Variants in NCOA1 observed in about 807,000 individuals in gnomAD.
NCOA1 encodes the protein Hin-2 protein.
In NCOA1, 35 loss-of-function variants were observed where a neutral mutation model predicts 150.9. The ratio of observed to expected loss-of-function variants is 0.23; its 90% CI spans 0.18 to 0.31. NCOA1 has a LOEUF of 0.31. Ranked by LOEUF, NCOA1 falls within the 10% of genes least tolerant of loss-of-function variation. NCOA1 has a pLI of 1.00. For synonymous variants in NCOA1, 590 were observed against 630.0 expected, an observed-to-expected ratio of 0.94 and a Z score of 0.95; for missense variants, 1,491 against 1,749.3, an observed-to-expected ratio of 0.85 and a Z score of 2.63.
At chr2:24,701,372 T>A (rs1226572820) in intron 11 of NCOA1, among the ~76,000 whole-genome samples, 1 of 151,848 alleles carries the variant, frequency 6.6e-6, no homozygotes, top group Non-Finnish European at 1.5e-5. Context: ...TAGCTAGGCG[T>A]GGCACACAGG....
chr2:24,588,144 G>T (rs987802441), intron 3 of NCOA1, among the ~76,000 whole-genome samples: 1 of 152,006 alleles, frequency 6.6e-6, no homozygotes, highest in Non-Finnish European at 1.5e-5. Flanking sequence ...GAGCACAGTA[G>T]TGTGATCATG....
chr2:24,716,639 T>G (rs1281171628), intron 14 of NCOA1, among the ~76,000 whole-genome samples: 2 of 152,236 alleles, frequency 1.3e-5, no homozygotes, highest in African/African-American at 4.8e-5. Context: ...AGACACATTT[T>G]TGATAGGACA....
At chr2:24,514,293 AAAAAAAAAAAAAAGGAAAAAAAC>A (rs1664063905) in intron 1 of NCOA1, among the ~76,000 whole-genome samples, 1 of 150,420 alleles carries the variant, frequency 6.6e-6, no homozygotes, top group East Asian at 1.9e-4. Context: ...CTCAAAAAAA[AAAAAAAAAAAAAAGGAAAAAAAC>A]AAAAAGAAAA....
chr2:24,697,917 C>A, intron 11 of NCOA1, 119 bp downstream of exon 11: 3 of 1,145,836 alleles, frequency 2.6e-6, no homozygotes, highest in Non-Finnish European at 3.6e-6. Context: ...TTGCAATAAT[C>A]AGTTTTAGGA....
At chr2:24,558,457 A>G (rs1302350968) in intron 1 of NCOA1, among the ~76,000 whole-genome samples, 1 of 152,142 alleles carries the variant, frequency 6.6e-6, no homozygotes. Context: ...TGGCAAGAGA[A>G]AATAAGGAAG....
chr2:24,680,970 A>G (rs1378074898), intron 7 of NCOA1, among the ~76,000 whole-genome samples: 3 of 152,178 alleles, frequency 2.0e-5, no homozygotes, highest in Admixed American at 6.6e-5. Flanking sequence ...AATCCTACCC[A>G]CAAACTGTGC....
In NCOA1 at chr2:24,706,730, C is replaced by T. The variant is rs1332602679; in HGVS notation, c.1260C>T (p.Arg420=). ...ACATGGTATCCACCAGAATAAACCG[C>T]CAGCAGAGCTCAGACCTTCATAGCA... ...NSNMVSTRIN[R]QQSSDLHSSS... is the part of the protein sequence containing the mutation. The change falls in exon 13 of 23, where the codon CGC becomes CGT. Residue 420 remains arginine (R), a synonymous_variant. Transcript: ENST00000348332. 5 of 1,614,080 alleles carry T rather than the reference C, an allele frequency of 3.1e-6. No homozygotes were observed. The highest frequency in any genetic ancestry group is 2.7e-5 in the African/African-American group (2 of 74,926).
chr2:24,581,432 G>A (rs1667189800), intron 2 of NCOA1, among the ~76,000 whole-genome samples: 1 of 152,226 alleles, frequency 6.6e-6, no homozygotes, highest in Admixed American at 6.5e-5. Context: ...ACCTTTGCTG[G>A]TGGGAGTGGG....
At chr2:24,626,493 G>A (rs1669414832) in intron 3 of NCOA1, among the ~76,000 whole-genome samples, 2 of 152,206 alleles carry the variant, frequency 1.3e-5, no homozygotes, top group South Asian at 4.1e-4. Context: ...TATAGGAAAA[G>A]CAAGGCAAGC....
chr2:24,559,859 C>G (rs1219628713), intron 1 of NCOA1, among the ~76,000 whole-genome samples: 1 of 152,182 alleles, frequency 6.6e-6, no homozygotes, highest in Non-Finnish European at 1.5e-5. Flanking sequence ...GTTTGTCTAT[C>G]TGTTCCCCAG....
rs1553417989 is a variant in NCOA1 at position 24,491,501 on chromosome 2, C to CGGCGGCAGGCGCCTGGGCCCAGGGGGCCG, written c.-493_-492insGCAGGCGCCTGGGCCCAGGGGGCCGGGCG. Among the ~76,000 whole-genome samples, 1 of 139,872 alleles carries CGGCGGCAGGCGCCTGGGCCCAGGGGGCCG rather than the reference C, an allele frequency of 7.1e-6. No homozygotes were observed. Among genetic ancestry groups the CGGCGGCAGGCGCCTGGGCCCAGGGGGCCG allele is most frequent in the Non-Finnish European group, 1.6e-5 (1 of 64,076 alleles). 91.8% of individuals were successfully genotyped at this position (139,872 alleles called of 152,430 possible). A position where few individuals can be genotyped will look rare whatever the true frequency, so the allele number is the denominator to read the frequency against. On this transcript the variant is annotated 5_prime_UTR_variant, in exon 1 of 23. Coordinates refer to ENST00000348332, the MANE Select transcript of NCOA1 (RefSeq NM_003743.5). The stretch of plus-strand genomic sequence containing the variant: ...TCCGGAGGAGGGGGCCGGAGAGCCG[C>CGGCGGCAGGCGCCTGGGCCCAGGGGGCCG]GGCGCCGGGCCCGAGGAGCGGCGGA...
intron 3 of NCOA1, among the ~76,000 whole-genome samples, chr2:24,588,418 G>A (rs1295065584): frequency 3.9e-5 from 6 of 152,128 alleles, no homozygotes; most frequent in East Asian, 1.9e-4. Context: ...GGCTAATAGC[G>A]GGGCCCTGTC....
chr2:24,681,189 C>T (rs1322052246), intron 7 of NCOA1, among the ~76,000 whole-genome samples: 1 of 151,978 alleles, frequency 6.6e-6, no homozygotes, highest in African/African-American at 2.4e-5. Context: ...CATGGTAAAA[C>T]CCCATCTCTA....
chr2:24,733,339 A>G lies in NCOA1; in HGVS notation c.3201+3524A>G, dbSNP rs945108624. Among the ~76,000 whole-genome samples the G allele has an allele frequency of 2.6e-5, 4 of 152,194 alleles. No individual in the cohort carries two copies. The East Asian group carries it at 7.7e-4, about 29-fold the overall frequency. Reference sequence around the variant, plus strand: ...AAGTTCATGTCAGTGTAGACAAAAAAAAGAACACCATTAGCGCACTAAAAA... The same window carrying G: ...AAGTTCATGTCAGTGTAGACAAAAAGAAGAACACCATTAGCGCACTAAAAA... On this transcript the variant is annotated intron_variant, in intron 17 of 22. Coordinates refer to ENST00000348332, the MANE Select transcript of NCOA1 (RefSeq NM_003743.5).
At chr2:24,511,829 T>C (rs1663947142) in intron 1 of NCOA1, among the ~76,000 whole-genome samples, 1 of 152,214 alleles carries the variant, frequency 6.6e-6, no homozygotes, top group African/African-American at 2.4e-5. Context: ...CTTTTTTTTC[T>C]AAGAGTTTTA....
intron 3 of NCOA1, among the ~76,000 whole-genome samples, chr2:24,635,043 A>G (rs1276717676): frequency 6.6e-6 from 1 of 152,022 alleles, no homozygotes; most frequent in Admixed American, 6.6e-5. Context: ...AAAATACTGA[A>G]CTCTGGATTG....
intron 5 of NCOA1, among the ~76,000 whole-genome samples, chr2:24,665,340 G>A (rs1053533925): frequency 1.3e-5 from 2 of 152,062 alleles, no homozygotes; most frequent in South Asian, 2.1e-4. Flanking sequence ...TTCTATTATC[G>A]TATTCTCTGC....
At chr2:24,710,527 A>G (rs1323686885) in intron 13 of NCOA1, among the ~76,000 whole-genome samples, 1 of 152,244 alleles carries the variant, frequency 6.6e-6, no homozygotes, top group Non-Finnish European at 1.5e-5. Flanking sequence ...AGTTGAATCA[A>G]TATAAGTTTA....
intron 1 of NCOA1, among the ~76,000 whole-genome samples, chr2:24,523,996 G>C (rs540909121): frequency 4.6e-4 from 69 of 150,074 alleles, no homozygotes; most frequent in Non-Finnish European, 9.5e-4. Context: ...AAAATTAGAG[G>C]AAGGAGAAAA....
Sources: allele counts gnomAD v4.1 joint callset (sites outside exome capture counted in the v4.1 genomes callset), GRCh38; gene constraint gnomAD v4.1.1; transcripts MANE v1.5; gene names NCBI Gene and HGNC (gene_info 2026-07-23, HGNC 2026-07-21).